ZMAT4: variants seen among roughly 807,000 people sequenced by gnomAD.
ZMAT4 encodes the protein zinc finger matrin-type protein 4.
Under a neutral mutation model 28.7 loss-of-function variants are expected in ZMAT4, and 17 were observed. That is an observed-to-expected ratio of 0.59 (90% CI 0.41 to 0.89). The LOEUF (loss-of-function observed/expected upper bound fraction) is 0.89, where lower values mean the gene tolerates loss of function less well. Among genes scored for constraint, ZMAT4 ranks in the 40% least tolerant of loss-of-function variants. The pLI is 0.00. For missense variants in ZMAT4, 240 were observed against 283.8 expected, an observed-to-expected ratio of 0.85 and a Z score of 1.11; for synonymous variants, 117 against 109.2, an observed-to-expected ratio of 1.07 and a Z score of -0.44.
At chr8:40,651,299 C>G (rs1168590971) in intron 5 of ZMAT4, among the ~76,000 whole-genome samples, 1 of 152,038 alleles carries the variant, frequency 6.6e-6, no homozygotes, top group East Asian at 1.9e-4. Flanking sequence ...AAACAGAGAG[C>G]CAAATCATGA....
chr8:40,660,702 T>C (rs185758694), intron 5 of ZMAT4, among the ~76,000 whole-genome samples: 35 of 152,292 alleles, frequency 2.3e-4, no homozygotes, highest in African/African-American at 8.2e-4. Flanking sequence ...CTCCCTTACC[T>C]CAACCTCAAC....
intron 2 of ZMAT4, among the ~76,000 whole-genome samples, chr8:40,806,081 T>C (rs1402796746): frequency 1.3e-5 from 2 of 152,244 alleles, no homozygotes; most frequent in Non-Finnish European, 2.9e-5. Context: ...TTCATCTTTA[T>C]ACCTGGTAAA....
intron 2 of ZMAT4, among the ~76,000 whole-genome samples, chr8:40,786,430 G>A (rs1814085178): frequency 7.2e-6 from 1 of 139,822 alleles, no homozygotes; most frequent in African/African-American, 2.6e-5. Context: ...AAGGTAAATA[G>A]TACACAGAAG....
intron 1 of ZMAT4, among the ~76,000 whole-genome samples, chr8:40,852,180 G>A (rs1381043522): frequency 6.6e-6 from 1 of 152,056 alleles, no homozygotes; most frequent in Non-Finnish European, 1.5e-5. Context: ...CTATAATTTT[G>A]TGTCCTTTAA....
intron 5 of ZMAT4, among the ~76,000 whole-genome samples, chr8:40,618,481 T>C (rs1806090481): frequency 6.6e-6 from 1 of 152,172 alleles, no homozygotes. Flanking sequence ...CAACGGTGGT[T>C]TCAATATCTT....
chr8:40,530,956 C>G lies in ZMAT4; in HGVS notation c.*1267G>C, dbSNP rs982129822. On this transcript the variant is annotated 3_prime_UTR_variant, in exon 7 of 7. Coordinates refer to ENST00000297737, the MANE Select transcript of ZMAT4 (RefSeq NM_024645.3). ...GCTCACTGAGTTGTTGCCACCTCAG[C>G]TCTTGGTGGAAAACAGTGGGTGTCC... 1 of 152,618 alleles carries G rather than the reference C, an allele frequency of 6.6e-6. No homozygotes were observed. Among genetic ancestry groups the G allele is most frequent in the Admixed American group, 6.5e-5 (1 of 15,268 alleles). 9.5% of individuals were successfully genotyped at this position (152,618 alleles called of 1,614,324 possible). A position where few individuals can be genotyped will look rare whatever the true frequency, so the allele number is the denominator to read the frequency against.
At chr8:40,537,885 C>T (rs1802897666) in intron 6 of ZMAT4, among the ~76,000 whole-genome samples, 1 of 152,156 alleles carries the variant, frequency 6.6e-6, no homozygotes, top group South Asian at 2.1e-4. Context: ...CCATTCCCTT[C>T]TACTTTGGGG....
At chr8:40,816,455 C>T (rs897213124) in intron 2 of ZMAT4, among the ~76,000 whole-genome samples, 4 of 151,994 alleles carry the variant, frequency 2.6e-5, no homozygotes, top group Non-Finnish European at 5.9e-5. Flanking sequence ...CCTTGTCTAA[C>T]GTAGATATTG....
At chr8:40,591,542 G>A (rs1314629801) in intron 5 of ZMAT4, among the ~76,000 whole-genome samples, 4 of 152,140 alleles carry the variant, frequency 2.6e-5, no homozygotes, top group Admixed American at 1.3e-4. Context: ...CCCCACCCCA[G>A]TACCATTTCT....
chr8:40,794,968 G>A (rs562350953), intron 2 of ZMAT4, among the ~76,000 whole-genome samples: 4 of 152,236 alleles, frequency 2.6e-5, no homozygotes, highest in South Asian at 4.2e-4. Flanking sequence ...TGGAAGCTCA[G>A]AAGAGGGAGG....
At chr8:40,877,925 C>T (rs955401577) in intron 1 of ZMAT4, among the ~76,000 whole-genome samples, 3 of 152,122 alleles carry the variant, frequency 2.0e-5, no homozygotes, top group African/African-American at 2.4e-5. Flanking sequence ...ACCCAAGTCC[C>T]GACACACTGA....
chr8:40,584,683 A>G (rs558895985), intron 5 of ZMAT4, among the ~76,000 whole-genome samples: 4 of 152,152 alleles, frequency 2.6e-5, no homozygotes, highest in Non-Finnish European at 5.9e-5. Context: ...CCCAGGCTGG[A>G]GTGCGAGTGA....
chr8:40,667,205 G>T (rs894556959), intron 5 of ZMAT4, among the ~76,000 whole-genome samples: 1 of 151,556 alleles, frequency 6.6e-6, no homozygotes, highest in African/African-American at 2.4e-5. Context: ...GCCTAGGCTG[G>T]AGTGCAGTGG....
rs373909040 is a variant in ZMAT4 at position 40,709,844 on chromosome 8, C to G, written c.193-12443G>C. On this transcript the variant is annotated intron_variant, in intron 3 of 6. Coordinates refer to ENST00000297737, the MANE Select transcript of ZMAT4 (RefSeq NM_024645.3). ...ACGAGGTCCGGAGTTTGAGACCAGT[C>G]TGGCCAACATAGTGAAACTCTGTCT... Among the ~76,000 whole-genome samples, 6 of 152,174 alleles carry G rather than the reference C, an allele frequency of 3.9e-5. No homozygotes were observed. In the East Asian group the frequency reaches 1.2e-3, roughly 29 times the overall value.
chr8:40,819,770 C>A (rs965006854), intron 2 of ZMAT4, among the ~76,000 whole-genome samples: 1 of 151,978 alleles, frequency 6.6e-6, no homozygotes, highest in Non-Finnish European at 1.5e-5. Flanking sequence ...AGAGTTCTTC[C>A]CGCTCTCTTA....
At chr8:40,877,551 T>G (rs1038547791) in intron 1 of ZMAT4, among the ~76,000 whole-genome samples, 1 of 152,238 alleles carries the variant, frequency 6.6e-6, no homozygotes, top group Non-Finnish European at 1.5e-5. Flanking sequence ...AGTCATTTTG[T>G]TCTCCACTGT....
intron 5 of ZMAT4, among the ~76,000 whole-genome samples, chr8:40,587,080 G>C (rs926092059): frequency 3.3e-5 from 5 of 151,048 alleles, no homozygotes; most frequent in African/African-American, 1.2e-4. Context: ...GTGGAAATGG[G>C]CCTGAACTGC....
chr8:40,846,299 C>A (rs1816896700), intron 1 of ZMAT4, among the ~76,000 whole-genome samples: 1 of 152,174 alleles, frequency 6.6e-6, no homozygotes, highest in Non-Finnish European at 1.5e-5. Flanking sequence ...CCCACTCAAC[C>A]CAATCCCCAG....
intron 2 of ZMAT4, among the ~76,000 whole-genome samples, chr8:40,775,667 A>C (rs1813562183): frequency 6.6e-6 from 1 of 152,208 alleles, no homozygotes. Context: ...AAGTGTCCTT[A>C]GACCTGTGAT....
Sources: gnomAD v4.1 joint callset for allele counts (sites outside exome capture counted in the v4.1 genomes callset) on GRCh38, gnomAD v4.1.1 for gene constraint, MANE v1.5 for transcripts, NCBI Gene and HGNC (gene_info 2026-07-23, HGNC 2026-07-21) for gene names.